MGAT3: variants seen among roughly 807,000 people sequenced by gnomAD.
The protein encoded by MGAT3 is GlcNAc-T III.
In MGAT3, 9 loss-of-function variants were observed where a neutral mutation model predicts 29.8. The observed-to-expected ratio is 0.30, with a 90% confidence interval of 0.18 to 0.53. The LOEUF is 0.53. Ranked by LOEUF, MGAT3 falls within the 20% of genes least tolerant of loss-of-function variation. MGAT3 has a pLI of 0.96. For missense variants in MGAT3, 557 were observed against 769.5 expected (o/e 0.72, Z 3.27); for synonymous variants, 397 against 348.9 (o/e 1.14, Z -1.54).
chr22:39,474,392 C>T (rs1019572820), intron 1 of MGAT3, among the ~76,000 whole-genome samples: 1 of 152,182 alleles, frequency 6.6e-6, no homozygotes, highest in Non-Finnish European at 1.5e-5. Flanking sequence ...TGGACTTTGC[C>T]CCTGAAACTC....
chr22:39,472,038 C>G (rs1179785805), intron 1 of MGAT3, among the ~76,000 whole-genome samples: 4 of 152,064 alleles, frequency 2.6e-5, no homozygotes, highest in African/African-American at 9.7e-5. Flanking sequence ...ATGCTCAAAG[C>G]TCTGGGCTCA....
At chr22:39,472,233 C>T (rs1034759053) in intron 1 of MGAT3, among the ~76,000 whole-genome samples, 1 of 152,156 alleles carries the variant, frequency 6.6e-6, no homozygotes, top group Non-Finnish European at 1.5e-5. Flanking sequence ...GACCCAACTC[C>T]CTCCAAAAGG....
intron 1 of MGAT3, among the ~76,000 whole-genome samples, chr22:39,473,352 A>G (rs762139493): frequency 1.2e-4 from 18 of 152,312 alleles, no homozygotes; most frequent in Non-Finnish European, 2.5e-4. Context: ...GTATCCACAC[A>G]TGGAGACGGG....
chr22:39,464,162 C>T (rs1198315965), intron 1 of MGAT3, among the ~76,000 whole-genome samples: 1 of 152,214 alleles, frequency 6.6e-6, no homozygotes, highest in Non-Finnish European at 1.5e-5. Flanking sequence ...CTTGCTGCCT[C>T]TGCCTCTTCC....
intron 1 of MGAT3, among the ~76,000 whole-genome samples, chr22:39,458,299 C>T (rs1054381300): frequency 4.1e-5 from 6 of 146,822 alleles, no homozygotes; most frequent in African/African-American, 1.2e-4. Context: ...GAAGGGATGC[C>T]GCGCGGCCAG....
At position 39,483,870 on chromosome 22, in the gene MGAT3, C is replaced by T. The variant is rs549388538; in HGVS notation, c.-1-3477C>T. ...CCCTACCCCAGATTGTTCTACCTGC[C>T]CGCAGTCAGCTGTGCCCACTCCGTG... On this transcript the variant is annotated intron_variant, in intron 1 of 1. Transcript: ENST00000341184. Among the ~76,000 whole-genome samples, 182 of 152,332 alleles carry T rather than the reference C, an allele frequency of 1.2e-3. 1 individual carries two copies. The highest frequency in any genetic ancestry group is 4.0e-3 in the African/African-American group (167 of 41,578).
rs1159901010 is a variant in MGAT3 at position 39,488,497 on chromosome 22, C to T, written c.1150C>T (p.Arg384Cys). ...GCTGGACGGCATCCGCCTGCGCCGC[C>T]GCCAGTACTACACCATGCCCAACTT... is the stretch of plus-strand genomic sequence containing the variant. ...YGLDGIRLRR[R>C]QYYTMPNFRQ... The change falls in exon 2 of 2, where the codon CGC becomes TGC. Residue 384 changes from arginine (R) to cysteine (C), a missense_variant. By Grantham distance (180) the Arg-to-Cys change is radical (BLOSUM62 -3). This residue lies in a region of MGAT3 where 243 missense variants were observed against 444.0 expected (regional missense o/e 0.55). Coordinates refer to ENST00000341184, the MANE Select transcript of MGAT3 (RefSeq NM_002409.5). The T allele has an allele frequency of 1.9e-6, 3 of 1,613,128 alleles. No homozygotes were observed. The highest frequency in any genetic ancestry group is 1.1e-5 in the South Asian group (1 of 91,090).
At chr22:39,459,319 C>G (rs575903030) in intron 1 of MGAT3, among the ~76,000 whole-genome samples, 4 of 152,272 alleles carry the variant, frequency 2.6e-5, no homozygotes, top group Non-Finnish European at 5.9e-5. Context: ...AGTGATCCAC[C>G]CACCTTGGCC....
At chr22:39,475,493 A>G (rs577929171) in intron 1 of MGAT3, among the ~76,000 whole-genome samples, 1 of 152,108 alleles carries the variant, frequency 6.6e-6, no homozygotes, top group Non-Finnish European at 1.5e-5. Context: ...GGTGTCAGGC[A>G]GCCCCCCAGA....
chr22:39,468,685 AT>A (rs1329729588), intron 1 of MGAT3, among the ~76,000 whole-genome samples: 1 of 151,970 alleles, frequency 6.6e-6, no homozygotes, highest in Non-Finnish European at 1.5e-5. Flanking sequence ...GGGTGTGTGG[AT>A]TTGGCGTGGT....
rs1568999504 is a variant in MGAT3, at chr22:39,465,488, TTTG to T, written c.-2+7934_-2+7936del. ...CAGTGAAACCATGTGTGTAAGACGC[TTTG>T]TTAATTGTAGAACGCTGCACAAACT... On this transcript the variant is annotated intron_variant, in intron 1 of 1. Transcript: ENST00000341184. 2.0e-5 allele frequency among the ~76,000 whole-genome samples: 3 copies of T among 152,202 alleles called. No homozygotes were observed. The South Asian group carries it at 6.2e-4, about 32-fold the overall frequency.
rs770108903 is a variant in MGAT3 at position 39,488,784 on chromosome 22, G to C, written c.1437G>C (p.Glu479Asp). The C allele has an allele frequency of 6.2e-7, 1 of 1,611,344 alleles. No individual in the cohort carries two copies. The highest frequency in any genetic ancestry group is 1.7e-4 in the Middle Eastern group (1 of 6,054). ...AGTACCCGCCTGCAGACCCCAGCGA[G>C]CACATGTATGCGCCCAAGTACCTGC... is the stretch of plus-strand genomic sequence containing the variant. ...QQEYPPADPS[E>D]HMYAPKYLLK... Residue 479 changes from glutamate to aspartate, a missense_variant, in exon 2 of 2, where the codon GAG (glutamate) becomes GAC (aspartate). Glu to Asp is a conservative substitution (Grantham distance 45). Coordinates refer to ENST00000341184, the MANE Select transcript of MGAT3 (RefSeq NM_002409.5).
rs986763206 is a variant in MGAT3 at position 39,457,759 on chromosome 22, C to T, written c.-2+202C>T. Among the ~76,000 whole-genome samples the T allele has an allele frequency of 2.7e-5, 4 of 150,756 alleles. No individual in the cohort carries two copies. The highest frequency in any genetic ancestry group is 5.9e-5 in the Non-Finnish European group (4 of 67,422). On this transcript the variant is annotated intron_variant, in intron 1 of 1. Transcript: ENST00000341184. This position sits in a 1 kb window ranked among gnomAD's most constrained non-coding sequence, Gnocchi z 6.8. Reference sequence around the variant, plus strand: ...GGGATGCCGGGGAAGCCGCTCGGCGCGGGCCCCCTCCCCCTACCCGCCGCT... The same window carrying T: ...GGGATGCCGGGGAAGCCGCTCGGCGTGGGCCCCCTCCCCCTACCCGCCGCT...
intron 1 of MGAT3, among the ~76,000 whole-genome samples, chr22:39,484,819 G>A (rs893693215): frequency 7.2e-5 from 11 of 152,002 alleles, no homozygotes; most frequent in African/African-American, 2.4e-4. Flanking sequence ...CCTGGCCAAC[G>A]TAGTGAAACC....
chr22:39,467,730 T>A (rs1174688473), intron 1 of MGAT3, among the ~76,000 whole-genome samples: 1 of 150,550 alleles, frequency 6.6e-6, no homozygotes, highest in Non-Finnish European at 1.5e-5. Flanking sequence ...TCGTTTTGTT[T>A]CGTTTCGTTT....
At chr22:39,462,297 G>A (rs926308804) in intron 1 of MGAT3, among the ~76,000 whole-genome samples, 12 of 152,218 alleles carry the variant, frequency 7.9e-5, no homozygotes, top group Non-Finnish European at 5.9e-5. Flanking sequence ...AGAGTATCAC[G>A]CCGGTGTCTT....
At chr22:39,465,931 T>TAA (rs747945527) in intron 1 of MGAT3, among the ~76,000 whole-genome samples, 6 of 117,656 alleles carry the variant, frequency 5.1e-5, no homozygotes, top group African/African-American at 6.3e-5. Context: ...GACTCCGTCT[T>TAA]AAAAAAAAAA....
In MGAT3 at chr22:39,487,780, G is replaced by C; in HGVS notation, c.433G>C (p.Ala145Pro). 6.7e-7 allele frequency: 1 copy of C among 1,492,558 alleles called. No homozygotes were observed. The highest frequency in any genetic ancestry group is 8.9e-7 in the Non-Finnish European group (1 of 1,123,900). 92.5% of individuals were successfully genotyped at this position (1,492,558 alleles called of 1,614,324 possible). The change falls in exon 2 of 2, where the codon GCC becomes CCC. Residue 145 changes from alanine (A) to proline (P), a missense_variant. By Grantham distance (27) the Ala-to-Pro change is conservative. Around this residue, in one of 3 missense-constraint regions of MGAT3, gnomAD observed 212 missense variants for 228.5 expected, o/e 0.93. Coordinates refer to ENST00000341184, the MANE Select transcript of MGAT3 (RefSeq NM_002409.5). This position sits in a 1 kb window ranked among gnomAD's most constrained non-coding sequence, Gnocchi z 5.7. ...GCCTGAGGGGGCCAACGGCTCCTCGGCCCGGCGGCCACCCCGGTACCTCCT... is the reference window on the plus strand; with the variant it reads ...GCCTGAGGGGGCCAACGGCTCCTCGCCCCGGCGGCCACCCCGGTACCTCCT... The part of the protein sequence containing the change: ...EKPEGANGSS[A>P]RRPPRYLLSA...
intron 1 of MGAT3, among the ~76,000 whole-genome samples, chr22:39,475,128 C>CTTTTTTTTTTTTTTTTTTTTTTTTTTTTT (rs58543840): frequency 8.4e-6 from 1 of 118,772 alleles, no homozygotes; most frequent in African/African-American, 3.7e-5. Flanking sequence ...GCTTGCCAGG[C>CTTTTTTTTTTTTTTTTTTTTTTTTTTTTT]TTTTTTTTTT....
Sources: gnomAD v4.1 joint callset for allele counts (sites outside exome capture counted in the v4.1 genomes callset) on GRCh38, gnomAD v4.1.1 for gene constraint, gnomAD v4.1.1 regional missense constraint, Gnocchi (gnomAD v3.1) non-coding constraint, MANE v1.5 for transcripts, NCBI Gene and HGNC (gene_info 2026-07-23, HGNC 2026-07-21) for gene names.